Variants in CFH observed in about 807,000 individuals in gnomAD.
The protein encoded by CFH is complement factor H, also known as H factor 1 (complement).
In CFH, 53 loss-of-function variants were observed where a neutral mutation model predicts 147.3. That is an observed-to-expected ratio of 0.36 (90% CI 0.29 to 0.45). The LOEUF (loss-of-function observed/expected upper bound fraction) is 0.45. Ranked by LOEUF, CFH falls within the 20% of genes least tolerant of loss-of-function variation. CFH has a pLI of 1.00. For synonymous variants in CFH, 536 were observed against 489.4 expected (o/e 1.10, Z -1.26); for missense variants, 1,380 against 1,498.0 (o/e 0.92, Z 1.30).
chr1:196,668,395 A>C (rs1486826426), intron 1 of CFH, among the ~76,000 whole-genome samples: 1 of 152,134 alleles, frequency 6.6e-6, no homozygotes, highest in East Asian at 1.9e-4. Flanking sequence ...ATATATTCAG[A>C]CTTCAGTATT....
At chr1:196,731,701 C>CT (rs991079645) in intron 15 of CFH, among the ~76,000 whole-genome samples, 5 of 151,914 alleles carry the variant, frequency 3.3e-5, no homozygotes, top group African/African-American at 9.7e-5. Context: ...GCTCTCTCAG[C>CT]TTTTTTTCAA....
chr1:196,704,368 C>T (rs1436947068), intron 9 of CFH, among the ~76,000 whole-genome samples: 1 of 152,136 alleles, frequency 6.6e-6, no homozygotes, highest in East Asian at 1.9e-4. Context: ...GTGCTGGGAG[C>T]TGGGATTACA....
At chr1:196,675,903 G>A (rs1159102325) in intron 3 of CFH, 86 bp from the exon 4 acceptor site, 2 of 834,990 alleles carry the variant, frequency 2.4e-6, no homozygotes, top group Admixed American at 3.7e-5. Flanking sequence ...TTAATATGGA[G>A]TTTCTGGACA....
intron 19 of CFH, 59 bp downstream of exon 19, chr1:196,742,110 G>T: frequency 6.5e-7 from 1 of 1,548,918 alleles, no homozygotes; most frequent in Non-Finnish European, 8.9e-7. Flanking sequence ...CCCAGTGGCT[G>T]GCGCCTGTAA....
intron 9 of CFH, among the ~76,000 whole-genome samples, chr1:196,691,097 C>A (rs922975889): frequency 1.1e-4 from 17 of 151,952 alleles, no homozygotes; most frequent in African/African-American, 3.6e-4. Flanking sequence ...AAAACCTTAT[C>A]AAGGACTGCT....
At chr1:196,703,190 C>T (rs1334163587) in intron 9 of CFH, among the ~76,000 whole-genome samples, 1 of 152,074 alleles carries the variant, frequency 6.6e-6, no homozygotes, top group African/African-American at 2.4e-5. Context: ...CCTAGTAGTC[C>T]CTGGACCACA....
intron 5 of CFH, chr1:196,678,593 ATAT>A (rs1667537541): frequency 6.6e-6 from 1 of 152,084 alleles, no homozygotes; most frequent in South Asian, 2.1e-4. Context: ...AGCATAGCAA[ATAT>A]TATGTACTTT....
intron 9 of CFH, among the ~76,000 whole-genome samples, chr1:196,693,369 A>G (rs1033052481): frequency 1.3e-5 from 2 of 152,126 alleles, no homozygotes; most frequent in African/African-American, 4.8e-5. Flanking sequence ...TGCCATCTGA[A>G]TGATTCTTCT....
At chr1:196,744,632 C>A (rs980193860) in intron 20 of CFH, among the ~76,000 whole-genome samples, 1 of 152,078 alleles carries the variant, frequency 6.6e-6, no homozygotes, top group Non-Finnish European at 1.5e-5. Context: ...ACACTCTCCA[C>A]GTTGTAAGTA....
At chr1:196,726,220 C>T (rs932671633) in intron 12 of CFH, among the ~76,000 whole-genome samples, 1 of 152,054 alleles carries the variant, frequency 6.6e-6, no homozygotes, top group African/African-American at 2.4e-5. Context: ...ACCACATTTG[C>T]TAATTGGTTT....
chr1:196,739,216 T>A (rs1652713058), intron 17 of CFH, among the ~76,000 whole-genome samples: 1 of 152,212 alleles, frequency 6.6e-6, no homozygotes, highest in Non-Finnish European at 1.5e-5. Flanking sequence ...CATGAAGGCC[T>A]CTGACATGCC....
intron 11 of CFH, 61 bp downstream of exon 11, chr1:196,715,830 T>A (rs775405383): frequency 9.7e-6 from 14 of 1,441,986 alleles, no homozygotes; most frequent in Non-Finnish European, 1.3e-5. Flanking sequence ...TTTCCAATTT[T>A]AAAAATTTGA....
chr1:196,735,182 G>A (rs1405660887), intron 15 of CFH, among the ~76,000 whole-genome samples: 1 of 151,876 alleles, frequency 6.6e-6, no homozygotes, highest in Non-Finnish European at 1.5e-5. Context: ...TTTGTCTTGT[G>A]GTTTGTCTGT....
At chr1:196,684,934 G>C (rs188056717) in intron 6 of CFH, 130 bp from the exon 7 acceptor site, 9 of 719,600 alleles carry the variant, frequency 1.3e-5, no homozygotes, top group Non-Finnish European at 2.1e-5. Flanking sequence ...ACTATGATAT[G>C]TTCATTTTAA....
At chr1:196,732,172 T>C (rs1669295884) in intron 15 of CFH, among the ~76,000 whole-genome samples, 1 of 152,064 alleles carries the variant, frequency 6.6e-6, no homozygotes, top group Admixed American at 6.6e-5. Context: ...ATCTTCACTT[T>C]TATTTATTTA....
chr1:196,743,652 C>G (rs1453318531), intron 20 of CFH, 24 bp downstream of exon 20: 2 of 1,613,634 alleles, frequency 1.2e-6, no homozygotes, highest in Non-Finnish European at 1.7e-6. Flanking sequence ...TTTCTTTTAA[C>G]ATTTTGGGGG....
chr1:196,707,877 C>A (rs987079521), intron 9 of CFH, among the ~76,000 whole-genome samples: 2 of 152,054 alleles, frequency 1.3e-5, no homozygotes, highest in African/African-American at 4.8e-5. Flanking sequence ...AGGTGAGATA[C>A]CTTCCTGTCT....
chr1:196,676,190 A>T (rs113472243), intron 4 of CFH, 125 bp downstream of exon 4: 8 of 586,220 alleles, frequency 1.4e-5, no homozygotes, highest in Non-Finnish European at 8.3e-6. Context: ...TTCTCATACA[A>T]TGTAGAGTGG....
intron 15 of CFH, among the ~76,000 whole-genome samples, chr1:196,733,368 G>C (rs1480908017): frequency 6.6e-6 from 1 of 151,980 alleles, no homozygotes; most frequent in African/African-American, 2.4e-5. Flanking sequence ...TTTTTACATA[G>C]CATTTTAAGA....
Sources: allele counts gnomAD v4.1 joint callset (sites outside exome capture counted in the v4.1 genomes callset), GRCh38; gene constraint gnomAD v4.1.1; transcripts MANE v1.5; gene names NCBI Gene and HGNC (gene_info 2026-07-23, HGNC 2026-07-21).